Variants in CDH12 observed in about 807,000 individuals in gnomAD.
The protein encoded by CDH12 is cadherin 12, also known as cadherin-12.
A neutral mutation model predicts 74.1 loss-of-function variants in CDH12; 41 were observed. The ratio of observed to expected loss-of-function variants is 0.55; its 90% confidence interval spans 0.43 to 0.72. CDH12 has a LOEUF of 0.72. Ranked by LOEUF, CDH12 falls within the 30% of genes least tolerant of loss-of-function variation. The probability of loss-of-function intolerance (pLI) is 0.00; values close to 1 mark genes in which losing one functional copy is unlikely to be tolerated. For missense variants in CDH12, 945 were observed against 977.2 expected, an observed-to-expected ratio of 0.97 and a Z score of 0.44; for synonymous variants, 399 against 355.0, an observed-to-expected ratio of 1.12 and a Z score of -1.39.
chr5:22,798,218 G>A (rs1158320199), intron 1 of CDH12, among the ~76,000 whole-genome samples: 3 of 151,968 alleles, frequency 2.0e-5, no homozygotes, highest in Non-Finnish European at 4.4e-5. Flanking sequence ...CTACCATTTT[G>A]ATATCAATTT....
At chr5:22,397,063 T>C (rs1742490279) in intron 3 of CDH12, among the ~76,000 whole-genome samples, 1 of 152,086 alleles carries the variant, frequency 6.6e-6, no homozygotes, top group African/African-American at 2.4e-5. Context: ...CTCTTTTCTT[T>C]AGGTGGGAAT....
intron 9 of CDH12, among the ~76,000 whole-genome samples, chr5:21,811,945 A>G (rs1359480650): frequency 6.6e-6 from 1 of 152,086 alleles, no homozygotes; most frequent in Non-Finnish European, 1.5e-5. Context: ...GGTTAATAAA[A>G]TAAATAAAAA....
intron 3 of CDH12, among the ~76,000 whole-genome samples, chr5:22,320,225 A>G (rs780512634): frequency 6.6e-6 from 1 of 152,184 alleles, no homozygotes; most frequent in Non-Finnish European, 1.5e-5. Flanking sequence ...AGAAAACAAA[A>G]TGTTAAAAGT....
chr5:22,044,183 T>C (rs559952820), intron 5 of CDH12, among the ~76,000 whole-genome samples: 58 of 152,120 alleles, frequency 3.8e-4, no homozygotes, highest in Non-Finnish European at 6.0e-4. Flanking sequence ...GACTTTAAAA[T>C]ATACTACAAA....
In CDH12 at chr5:22,800,937, A is replaced by T. The variant is rs183312284; in HGVS notation, c.-523+52121T>A. On this transcript the variant is annotated intron_variant, in intron 1 of 14. Coordinates refer to ENST00000382254, the MANE Select transcript of CDH12 (RefSeq NM_004061.5). The stretch of plus-strand genomic sequence containing the variant: ...TGATTGTACTATAGTTTATTTATCC[A>T]TTCATCCACTGAAGGATGTCCTGGT... Among the ~76,000 whole-genome samples the T allele has an allele frequency of 2.0e-5, 3 of 152,254 alleles. No homozygotes were observed. In the East Asian group the frequency reaches 5.8e-4, roughly 29 times the overall value.
At chr5:22,002,873 C>G (rs1474838732) in intron 5 of CDH12, among the ~76,000 whole-genome samples, 1 of 152,042 alleles carries the variant, frequency 6.6e-6, no homozygotes, top group Non-Finnish European at 1.5e-5. Context: ...TCTCTGAAGA[C>G]TGATTCAAAA....
intron 3 of CDH12, among the ~76,000 whole-genome samples, chr5:22,215,992 A>G (rs1208445811): frequency 1.3e-5 from 2 of 152,122 alleles, no homozygotes; most frequent in East Asian, 3.8e-4. Flanking sequence ...ATAGGTTACC[A>G]TAAGTATTTT....
At chr5:22,794,424 G>A (rs1748084476) in intron 1 of CDH12, among the ~76,000 whole-genome samples, 1 of 152,186 alleles carries the variant, frequency 6.6e-6, no homozygotes, top group Non-Finnish European at 1.5e-5. Context: ...TTTGTGTCAT[G>A]TGACCTGCCA....
Position 22,607,538 on chromosome 5 carries a change from G to A in CDH12, c.-522-102174C>T, listed in dbSNP as rs538572365. Among the ~76,000 whole-genome samples, 55 of 152,286 alleles carry A rather than the reference G, an allele frequency of 3.6e-4. No individual in the cohort carries two copies. The South Asian group carries it at 0.011, about 31-fold the overall frequency. ...TTGTCTGAAACTTACTCACTATCAC[G>A]AGACTAGCATGGAAACGAATGGCCC... On this transcript the variant is annotated intron_variant, in intron 1 of 14. Transcript: ENST00000382254.
At chr5:22,059,295 C>CTATCT (rs1554005222) in intron 5 of CDH12, among the ~76,000 whole-genome samples, 6 of 129,742 alleles carry the variant, frequency 4.6e-5, no homozygotes, top group East Asian at 4.5e-4. Flanking sequence ...ATCTATCTAT[C>CTATCT]ATCTATCTAT....
rs1205276517 is a variant in CDH12 at position 22,072,764 on chromosome 5, A to C, written c.231+5682T>G. Among the ~76,000 whole-genome samples the C allele has an allele frequency of 4.6e-5, 7 of 151,178 alleles. No individual in the cohort carries two copies. The Admixed American group carries it at 4.6e-4, about 10-fold the overall frequency. ...GTGTGATGTTCCCCTTTCTGTGTCC[A>C]AGTGTTCTCATTGTTCAATTCCCAC... On this transcript the variant is annotated intron_variant, in intron 5 of 14. Transcript: ENST00000382254.
At chr5:22,129,005 T>G (rs1255261184) in intron 4 of CDH12, among the ~76,000 whole-genome samples, 2 of 152,300 alleles carry the variant, frequency 1.3e-5, no homozygotes, top group East Asian at 3.9e-4. Flanking sequence ...CATAAATGAC[T>G]AGAATGTTAA....
At chr5:22,759,384 G>GT (rs1746092181) in intron 1 of CDH12, among the ~76,000 whole-genome samples, 1 of 151,886 alleles carries the variant, frequency 6.6e-6, no homozygotes, top group Non-Finnish European at 1.5e-5. Context: ...TTTTTTTCCT[G>GT]TTTTGGGGTT....
intron 1 of CDH12, among the ~76,000 whole-genome samples, chr5:22,768,770 A>G (rs1437292355): frequency 7.2e-5 from 11 of 152,158 alleles, no homozygotes; most frequent in African/African-American, 2.2e-4. Context: ...CTCATTTTAA[A>G]AAATTATCTA....
chr5:22,059,021 G>C (rs1342885727), intron 5 of CDH12, among the ~76,000 whole-genome samples: 1 of 152,080 alleles, frequency 6.6e-6, no homozygotes, highest in African/African-American at 2.4e-5. Flanking sequence ...GAGTACAGCT[G>C]TAGACATAAG....
chr5:22,693,535 AATG>A (rs1393664058), intron 1 of CDH12, among the ~76,000 whole-genome samples: 1 of 152,106 alleles, frequency 6.6e-6, no homozygotes, highest in Non-Finnish European at 1.5e-5. Flanking sequence ...TAAAAATAAC[AATG>A]ATTTTTGAAA....
Position 22,043,451 on chromosome 5 carries a change from C to T in CDH12, c.231+34995G>A, listed in dbSNP as rs555595225. Among the ~76,000 whole-genome samples the T allele has an allele frequency of 2.6e-5, 4 of 152,178 alleles. No individual in the cohort carries two copies. In the East Asian group the frequency reaches 7.7e-4, roughly 29 times the overall value. On this transcript the variant is annotated intron_variant, in intron 5 of 14. Coordinates refer to ENST00000382254, the MANE Select transcript of CDH12 (RefSeq NM_004061.5). ...GACATCAAATGTATATAGCTCAACA[C>T]AGTCAAAAACATATATGACAAACCC...
chr5:22,685,528 G>T (rs1054689151), intron 1 of CDH12, among the ~76,000 whole-genome samples: 1 of 152,084 alleles, frequency 6.6e-6, no homozygotes, highest in African/African-American at 2.4e-5. Flanking sequence ...GAGTCACTGC[G>T]CCCAGCGCCA....
At chr5:21,867,595 G>C (rs1361436944) in intron 6 of CDH12, among the ~76,000 whole-genome samples, 1 of 152,154 alleles carries the variant, frequency 6.6e-6, no homozygotes, top group Non-Finnish European at 1.5e-5. Context: ...AACTTGCTTG[G>C]GGCCTGTAGC....
Sources: allele counts gnomAD v4.1 joint callset (sites outside exome capture counted in the v4.1 genomes callset), GRCh38; gene constraint gnomAD v4.1.1; transcripts MANE v1.5; gene names NCBI Gene and HGNC (gene_info 2026-07-23, HGNC 2026-07-21).